The following ATP8A1 variants were observed in gnomAD, a reference collection of about 807,000 sequenced individuals.
ATP8A1 encodes the protein ATPase phospholipid transporting 8A1.
A neutral mutation model predicts 177.7 loss-of-function variants in ATP8A1; 90 were observed. The observed-to-expected ratio is 0.51, with a 90% confidence interval of 0.43 to 0.60. The LOEUF is 0.60. Ranked by LOEUF, ATP8A1 falls within the 20% of genes least tolerant of loss-of-function variation. The probability of loss-of-function intolerance (pLI) is 0.00; values close to 1 mark genes in which losing one functional copy is unlikely to be tolerated. For missense variants in ATP8A1, 1,072 were observed against 1,392.8 expected (o/e 0.77, Z 3.67); for synonymous variants, 493 against 485.9 (o/e 1.01, Z -0.19).
intron 25 of ATP8A1, chr4:42,471,992 A>G: frequency 1.4e-6 from 1 of 717,154 alleles, no homozygotes; most frequent in Middle Eastern, 4.0e-4. Context: ...AAGCTATCAT[A>G]ATCTTTGTTC....
Position 42,551,257 on chromosome 4 carries a change from C to G in ATP8A1, c.1543G>C (p.Ala515Pro), listed in dbSNP as rs769453426. The G allele has an allele frequency of 6.2e-7, 1 of 1,613,812 alleles. No individual in the cohort carries two copies. The change falls in exon 18 of 37, where the codon GCC becomes CCC. Residue 515 changes from alanine (A) to proline (P), a missense_variant. Physicochemically the swap from Ala to Pro is conservative, Grantham distance 27 (BLOSUM62 -1). Coordinates refer to ENST00000381668, the MANE Select transcript of ATP8A1 (RefSeq NM_006095.2). ...GTGAAAACAAAATTCAATTGCTTGG[C>G]TGCTCTGACCAATGCTCCCTCATCT... ...SPDEGALVRAAKQLNFVFTGR... is the reference protein window; with the variant it reads ...SPDEGALVRAPKQLNFVFTGR...
intron 22 of ATP8A1, among the ~76,000 whole-genome samples, chr4:42,515,132 T>C (rs894306736): frequency 1.4e-4 from 22 of 152,254 alleles, no homozygotes; most frequent in African/African-American, 4.8e-4. Flanking sequence ...GGGTAAAGAG[T>C]GAAAATTGCG....
In ATP8A1 at chr4:42,411,817, T is replaced by C. The variant is rs1712649059; in HGVS notation, c.*1099A>G. 2.0e-5 allele frequency: 3 copies of C among 152,140 alleles called. No homozygotes were observed. In the South Asian group the frequency reaches 6.2e-4, roughly 31 times the overall value. The allele number at this position is 152,140 out of a possible 1,614,324, so 9.4% of individuals were successfully genotyped here. ...ACTATTTGATGAGTGAACTGTGAAA[T>C]AATTTTCAGTCTTCAGTATAGGGGG... is the stretch of plus-strand genomic sequence containing the variant. On this transcript the variant is annotated 3_prime_UTR_variant, in exon 37 of 37. Transcript: ENST00000381668.
At chr4:42,477,316 C>T (rs569816388) in intron 25 of ATP8A1, among the ~76,000 whole-genome samples, 1 of 152,182 alleles carries the variant, frequency 6.6e-6, no homozygotes, top group South Asian at 2.1e-4. Context: ...TCAAATTGGC[C>T]AAGTTATAAA....
At chr4:42,574,364 G>A (rs895007202) in intron 14 of ATP8A1, among the ~76,000 whole-genome samples, 1 of 152,196 alleles carries the variant, frequency 6.6e-6, no homozygotes, top group Non-Finnish European at 1.5e-5. Context: ...ACCAGGGCAA[G>A]AGAGAGACTT....
intron 30 of ATP8A1, among the ~76,000 whole-genome samples, chr4:42,451,327 G>A (rs1354254247): frequency 4.6e-5 from 7 of 152,274 alleles, no homozygotes; most frequent in African/African-American, 1.2e-4. Flanking sequence ...AAGCAGGCAC[G>A]CTGAATGGTT....
At position 42,552,346 on chromosome 4, in the gene ATP8A1, T is replaced by C. The variant is rs12645297; in HGVS notation, c.1519+159A>G. ...CAAAGTTACACATTTTAAAATATCATGTACATATTTAACCTTGAAAGCCAA... is the reference window on the plus strand; with the variant it reads ...CAAAGTTACACATTTTAAAATATCACGTACATATTTAACCTTGAAAGCCAA... On this transcript the variant is annotated intron_variant, in intron 17 of 36. Coordinates refer to ENST00000381668, the MANE Select transcript of ATP8A1 (RefSeq NM_006095.2). Among the ~76,000 whole-genome samples, 53,800 of 152,150 alleles carry C rather than the reference T, an allele frequency of 0.35. 9,730 individuals are homozygous for C. Among genetic ancestry groups the C allele is most frequent in the Non-Finnish European group, 0.4 (27,039 of 67,974 alleles).
At chr4:42,656,333 C>T (rs1332215103) in intron 1 of ATP8A1, among the ~76,000 whole-genome samples, 1 of 152,200 alleles carries the variant, frequency 6.6e-6, no homozygotes, top group African/African-American at 2.4e-5. Flanking sequence ...ATGCAGGGAA[C>T]CCACTCGGCA....
At chr4:42,535,142 T>G (rs1336890466) in intron 20 of ATP8A1, among the ~76,000 whole-genome samples, 2 of 152,020 alleles carry the variant, frequency 1.3e-5, no homozygotes, top group Non-Finnish European at 2.9e-5. Flanking sequence ...ATGAATAGAA[T>G]AGAACCTTAC....
intron 33 of ATP8A1, among the ~76,000 whole-genome samples, chr4:42,434,153 C>T (rs1281898478): frequency 6.6e-6 from 1 of 151,858 alleles, no homozygotes; most frequent in African/African-American, 2.4e-5. Context: ...ACTTAAAAGT[C>T]GCAGAAAAAT....
In ATP8A1 at chr4:42,574,656, G is replaced by C. The variant is rs1732254839; in HGVS notation, c.1258C>G (p.Gln420Glu). 1 of 1,607,946 alleles carries C rather than the reference G, an allele frequency of 6.2e-7. No individual in the cohort carries two copies. Among genetic ancestry groups the C allele is most frequent in the South Asian group, 1.1e-5 (1 of 88,876 alleles). ...KTGTLTCNVM[Q>E]FKKCTIAGVA... is the part of the protein sequence containing the mutation. ...CCCGCTATGGTGCACTTCTTAAACT[G>C]CATTACATTGCATGTCAGAGTACCA... The change falls in exon 14 of 37, where the codon CAG (glutamine) becomes GAG (glutamate). Residue 420 changes from glutamine (Q) to glutamate (E), a missense_variant. Physicochemically the swap from Gln to Glu is conservative, Grantham distance 29 (BLOSUM62 2). This residue lies in a region of ATP8A1 where 388 missense variants were observed against 471.7 expected (regional missense o/e 0.82). Coordinates refer to ENST00000381668, the MANE Select transcript of ATP8A1 (RefSeq NM_006095.2).
rs1236914733 is a variant in ATP8A1 at position 42,485,625 on chromosome 4, T to C, written c.2195A>G (p.Asp732Gly). 1.2e-5 allele frequency: 19 copies of C among 1,613,616 alleles called. No homozygotes were observed. The highest frequency in any genetic ancestry group is 2.2e-5 in the East Asian group (1 of 44,854). ...TLSRHCTTLG[D>G]ALRKENDFAL... ...AAAATCATTCTCTTTCCGGAGAGCA[T>C]CACCAAGGGTAGTACAGTGACGACT... The change falls in exon 25 of 37, where the codon GAT becomes GGT. Residue 732 changes from aspartate to glycine, a missense_variant. Asp to Gly is a moderately conservative substitution (Grantham distance 94). This residue lies in a region of ATP8A1 where 388 missense variants were observed against 471.7 expected (regional missense o/e 0.82). Coordinates refer to ENST00000381668, the MANE Select transcript of ATP8A1 (RefSeq NM_006095.2).
chr4:42,492,311 A>C (rs1262706324), intron 24 of ATP8A1, among the ~76,000 whole-genome samples: 1 of 152,186 alleles, frequency 6.6e-6, no homozygotes, highest in Non-Finnish European at 1.5e-5. Flanking sequence ...AAAAATCAAA[A>C]TTCTGCATTA....
intron 20 of ATP8A1, among the ~76,000 whole-genome samples, chr4:42,539,408 C>T (rs200399662): frequency 1.6e-5 from 2 of 126,070 alleles, no homozygotes; most frequent in Non-Finnish European, 3.4e-5. Flanking sequence ...CCCCCCCCAA[C>T]AAAAACAAAA....
At position 42,656,838 on chromosome 4, in the gene ATP8A1, G is replaced by A. The variant is rs1395807916; in HGVS notation, c.36C>T (p.Arg12=). The change falls in exon 1 of 37, where the codon CGC becomes CGT. Residue 12 remains arginine (R), a synonymous_variant. Coordinates refer to ENST00000381668, the MANE Select transcript of ATP8A1 (RefSeq NM_006095.2). The part of the protein sequence containing the change: ...PTMRRTVSEI[R]SRAEGYEKTD... ...GCGGCCCCTTACCTTCGGCGCGCGA[G>A]CGGATCTCCGACACGGTCCTCCGCA... 1.3e-6 allele frequency: 2 copies of A among 1,584,646 alleles called. No homozygotes were observed. The highest frequency in any genetic ancestry group is 8.6e-7 in the Non-Finnish European group (1 of 1,165,820).
intron 22 of ATP8A1, 68 bp from the exon 23 acceptor site, chr4:42,507,222 G>A (rs1407436762): frequency 7.5e-6 from 11 of 1,469,798 alleles, no homozygotes; most frequent in Non-Finnish European, 1.9e-6. Flanking sequence ...AAAAATTGAA[G>A]TGTGTATATG....
intron 33 of ATP8A1, 152 bp downstream of exon 33, chr4:42,443,413 G>A (rs921494705): frequency 2.8e-5 from 15 of 529,242 alleles, no homozygotes; most frequent in South Asian, 8.4e-5. Context: ...TTAATCACTC[G>A]AAACTGTGGA....
intron 25 of ATP8A1, among the ~76,000 whole-genome samples, chr4:42,479,516 A>G (rs1267015258): frequency 3.3e-5 from 5 of 152,224 alleles, no homozygotes; most frequent in Admixed American, 3.3e-4. Context: ...TAGGTTCCAC[A>G]CATCATGTTC....
rs778022629 is a variant in ATP8A1 at position 42,448,396 on chromosome 4, C to CTTTACTTTTTTTTTTTTTTTTTTTTTTTT, written c.2897-1753_2897-1752insAAAAAAAAAAAAAAAAAAAAAAAAGTAAA. The stretch of plus-strand genomic sequence containing the variant: ...GTAGCCTCCCTCCCTCCTTCTCTTT[C>CTTTACTTTTTTTTTTTTTTTTTTTTTTTT]TTTTCTTTTTTTTTTTTTTGAGATG... On this transcript the variant is annotated intron_variant, in intron 30 of 36. Coordinates refer to ENST00000381668, the MANE Select transcript of ATP8A1 (RefSeq NM_006095.2). Among the ~76,000 whole-genome samples, 22 of 84,162 alleles carry CTTTACTTTTTTTTTTTTTTTTTTTTTTTT rather than the reference C, an allele frequency of 2.6e-4. 6 individuals are homozygous for CTTTACTTTTTTTTTTTTTTTTTTTTTTTT. Among genetic ancestry groups the CTTTACTTTTTTTTTTTTTTTTTTTTTTTT allele is most frequent in the Admixed American group, 8.7e-4 (5 of 5,736 alleles). The allele number at this position is 84,162 out of a possible 152,430, so 55.2% of individuals were successfully genotyped here.
Sources: gnomAD v4.1 joint callset for allele counts (sites outside exome capture counted in the v4.1 genomes callset) on GRCh38, gnomAD v4.1.1 for gene constraint, gnomAD v4.1.1 regional missense constraint, MANE v1.5 for transcripts, NCBI Gene and HGNC (gene_info 2026-07-23, HGNC 2026-07-21) for gene names.